ELAVL2: variants seen among roughly 807,000 people sequenced by gnomAD.
The protein encoded by ELAVL2 is ELAV-like protein 2.
ELAVL2 carries 4 observed loss-of-function variants against 34.6 expected under a neutral mutation model. The observed-to-expected ratio is 0.12, with a 90% CI of 0.06 to 0.26. The LOEUF (loss-of-function observed/expected upper bound fraction) is 0.26, where lower values mean the gene tolerates loss of function less well. ELAVL2 is among the 10% of genes least tolerant of loss of function. The pLI is 1.00. For missense variants in ELAVL2, 432 were observed against 442.8 expected (o/e 0.98, Z 0.22); for synonymous variants, 193 against 154.8 (o/e 1.25, Z -1.83).
At chr9:23,784,786 T>C (rs1382706036) in intron 1 of ELAVL2, among the ~76,000 whole-genome samples, 1 of 152,218 alleles carries the variant, frequency 6.6e-6, no homozygotes, top group Non-Finnish European at 1.5e-5. Flanking sequence ...ATTAACTTTT[T>C]AATCAGAATT....
intron 1 of ELAVL2, among the ~76,000 whole-genome samples, chr9:23,813,230 CCT>C (rs1185557280): frequency 6.6e-6 from 1 of 152,028 alleles, no homozygotes; most frequent in Non-Finnish European, 1.5e-5. Flanking sequence ...ACATGTGGAG[CCT>C]CTTTCTACTT....
intron 3 of ELAVL2, among the ~76,000 whole-genome samples, chr9:23,729,499 T>C (rs562443420): frequency 5.9e-5 from 9 of 152,218 alleles, no homozygotes; most frequent in Admixed American, 2.0e-4. Context: ...CAGAGAAATA[T>C]AGATAACGAG....
chr9:23,763,588 G>C (rs1173793037), intron 1 of ELAVL2, among the ~76,000 whole-genome samples: 1 of 152,028 alleles, frequency 6.6e-6, no homozygotes, highest in Non-Finnish European at 1.5e-5. Flanking sequence ...AAGGGAAAGA[G>C]GGTTACAAGG....
At chr9:23,719,349 A>G (rs1165383141) in intron 3 of ELAVL2, among the ~76,000 whole-genome samples, 1 of 152,208 alleles carries the variant, frequency 6.6e-6, no homozygotes, top group Non-Finnish European at 1.5e-5. Flanking sequence ...AACAAAGTAC[A>G]AAGGTGAGAG....
intron 1 of ELAVL2, among the ~76,000 whole-genome samples, chr9:23,780,566 A>G (rs1285612616): frequency 3.9e-5 from 6 of 152,192 alleles, no homozygotes; most frequent in African/African-American, 9.6e-5. Flanking sequence ...GCTCACATCC[A>G]TAACTATGTT....
At chr9:23,765,155 A>T in intron 1 of ELAVL2, 1 of 1,490,520 alleles carries the variant, frequency 6.7e-7, no homozygotes, top group Non-Finnish European at 9.1e-7. Context: ...AATGCAACAA[A>T]TCAGTTTGTA....
intron 1 of ELAVL2, among the ~76,000 whole-genome samples, chr9:23,775,331 C>T (rs1397592771): frequency 6.6e-6 from 1 of 152,198 alleles, no homozygotes; most frequent in East Asian, 1.9e-4. Flanking sequence ...GAGGACACCA[C>T]TGCACTCCAG....
chr9:23,698,454 A>G (rs545022745), intron 5 of ELAVL2, among the ~76,000 whole-genome samples: 1 of 152,322 alleles, frequency 6.6e-6, no homozygotes, highest in African/African-American at 2.4e-5. Context: ...TTTGACCATA[A>G]AAGATATGGC....
At chr9:23,729,925 G>A (rs962209119) in intron 3 of ELAVL2, among the ~76,000 whole-genome samples, 2 of 152,060 alleles carry the variant, frequency 1.3e-5, no homozygotes, top group African/African-American at 4.8e-5. Flanking sequence ...TAAGCAAGAT[G>A]GATACTACAG....
At chr9:23,732,142 C>T (rs571945270) in intron 2 of ELAVL2, among the ~76,000 whole-genome samples, 11 of 152,244 alleles carry the variant, frequency 7.2e-5, no homozygotes, top group East Asian at 1.9e-4. Context: ...TGCCCAAGGA[C>T]GGTCCAAATG....
chr9:23,736,438 A>G (rs1331477477), intron 2 of ELAVL2, among the ~76,000 whole-genome samples: 2 of 152,290 alleles, frequency 1.3e-5, no homozygotes, highest in South Asian at 2.1e-4. Flanking sequence ...GGGTATTAGA[A>G]GAAAATAGAG....
intron 1 of ELAVL2, among the ~76,000 whole-genome samples, chr9:23,767,822 A>G (rs1303335557): frequency 1.3e-5 from 2 of 152,172 alleles, no homozygotes; most frequent in African/African-American, 4.8e-5. Context: ...AGTTGTTATT[A>G]AGTTCACTCA....
intron 2 of ELAVL2, among the ~76,000 whole-genome samples, chr9:23,745,034 T>C (rs1356177352): frequency 6.6e-6 from 1 of 151,996 alleles, no homozygotes; most frequent in Admixed American, 6.6e-5. Flanking sequence ...AGGGAGAACC[T>C]GTCTCTACAA....
At chr9:23,713,790 C>T (rs904796876) in intron 3 of ELAVL2, among the ~76,000 whole-genome samples, 6 of 152,122 alleles carry the variant, frequency 3.9e-5, no homozygotes, top group African/African-American at 1.4e-4. Context: ...GTTCTGGCCA[C>T]TACACAGCAT....
At chr9:23,760,130 A>C (rs1038776849) in intron 2 of ELAVL2, among the ~76,000 whole-genome samples, 1 of 152,052 alleles carries the variant, frequency 6.6e-6, no homozygotes, top group Non-Finnish European at 1.5e-5. Flanking sequence ...ATTTTGCCAC[A>C]TAACAGCTCT....
chr9:23,810,114 C>T (rs2062782957), intron 1 of ELAVL2, among the ~76,000 whole-genome samples: 1 of 152,094 alleles, frequency 6.6e-6, no homozygotes, highest in Non-Finnish European at 1.5e-5. Context: ...CTCAATGTCA[C>T]TTTCACCTTT....
At chr9:23,785,213 G>T (rs1321988475) in intron 1 of ELAVL2, among the ~76,000 whole-genome samples, 2 of 152,142 alleles carry the variant, frequency 1.3e-5, no homozygotes, top group East Asian at 3.9e-4. Context: ...GCAGTAGAGG[G>T]AGCCACTCCC....
At chr9:23,768,646 G>C (rs982011745) in intron 1 of ELAVL2, among the ~76,000 whole-genome samples, 2 of 151,998 alleles carry the variant, frequency 1.3e-5, no homozygotes, top group Non-Finnish European at 2.9e-5. Context: ...TATGGTAAAA[G>C]GAAACCATCT....
intron 2 of ELAVL2, among the ~76,000 whole-genome samples, chr9:23,736,875 G>A (rs887900251): frequency 2.0e-5 from 3 of 151,834 alleles, no homozygotes; most frequent in South Asian, 2.1e-4. Context: ...TTCTACTTTC[G>A]CTCATCTTCC....
Sources: gnomAD v4.1 joint callset for allele counts (sites outside exome capture counted in the v4.1 genomes callset) on GRCh38, gnomAD v4.1.1 for gene constraint, MANE v1.5 for transcripts, NCBI Gene and HGNC (gene_info 2026-07-23, HGNC 2026-07-21) for gene names.